Variants in TMEM65 observed in about 807,000 individuals in gnomAD.
TMEM65 encodes transmembrane protein 65.
TMEM65 carries 22 observed loss-of-function variants against 25.4 expected under a neutral mutation model. The ratio of observed to expected loss-of-function variants is 0.86; its 90% confidence interval spans 0.62 to 1.23. The LOEUF is 1.23. Among genes scored for constraint, TMEM65 ranks in the 50% most tolerant of loss-of-function variants. TMEM65 has a pLI of 0.00. For synonymous variants in TMEM65, 132 were observed against 126.2 expected (o/e 1.05, Z -0.31); for missense variants, 262 against 308.2 (o/e 0.85, Z 1.12).
chr8:124,321,085 G>A (rs895195290), intron 5 of TMEM65, among the ~76,000 whole-genome samples: 1 of 152,102 alleles, frequency 6.6e-6, no homozygotes, highest in Non-Finnish European at 1.5e-5. Context: ...ACTGGGAATA[G>A]AATGTTTAAG....
chr8:124,339,130 G>A (rs922178099), intron 1 of TMEM65, among the ~76,000 whole-genome samples: 2 of 140,422 alleles, frequency 1.4e-5, no homozygotes, highest in Non-Finnish European at 1.5e-5. Flanking sequence ...CAGAGCTTGC[G>A]GCAGTGAGCC....
chr8:124,348,004 C>T (rs560963117), intron 1 of TMEM65, among the ~76,000 whole-genome samples: 19 of 151,976 alleles, frequency 1.3e-4, no homozygotes, highest in African/African-American at 4.3e-4. Flanking sequence ...GATTCTCCTG[C>T]CTCGGTGTCC....
At position 124,356,454 on chromosome 8, in the gene TMEM65, C is replaced by T. The variant is rs929587312; in HGVS notation, c.304+15400G>A. On this transcript the variant is annotated intron_variant, in intron 1 of 6. Transcript: ENST00000297632. ...TTCTGACTTATGAGTAAAGAGATGACCTCAGATAAAATCAAGCTATTGCCC... is the reference window on the plus strand; with the variant it reads ...TTCTGACTTATGAGTAAAGAGATGATCTCAGATAAAATCAAGCTATTGCCC... Among the ~76,000 whole-genome samples, 12 of 152,252 alleles carry T rather than the reference C, an allele frequency of 7.9e-5. No homozygotes were observed. The East Asian group carries it at 2.1e-3, about 27-fold the overall frequency.
chr8:124,334,857 T>A (rs1046161385), intron 1 of TMEM65, among the ~76,000 whole-genome samples: 2 of 149,214 alleles, frequency 1.3e-5, no homozygotes, highest in African/African-American at 4.9e-5. Context: ...GAAGAGTTAG[T>A]GAAAATGATG....
intron 1 of TMEM65, among the ~76,000 whole-genome samples, chr8:124,351,923 C>A (rs1368654435): frequency 2.0e-5 from 3 of 152,162 alleles, no homozygotes; most frequent in African/African-American, 7.2e-5. Context: ...TTCTTGGCTG[C>A]GCTTTTATCT....
chr8:124,360,286 C>T (rs776738803), intron 1 of TMEM65, among the ~76,000 whole-genome samples: 17 of 151,832 alleles, frequency 1.1e-4, no homozygotes, highest in Non-Finnish European at 2.9e-5. Flanking sequence ...AAAAATTAGC[C>T]GGGCATGGTG....
intron 2 of TMEM65, among the ~76,000 whole-genome samples, chr8:124,329,986 A>T (rs561412394): frequency 1.3e-5 from 2 of 151,918 alleles, no homozygotes; most frequent in African/African-American, 4.8e-5. Flanking sequence ...CAGAGAAAAA[A>T]TAACTGGCCA....
intron 1 of TMEM65, among the ~76,000 whole-genome samples, chr8:124,333,566 A>C (rs1318606009): frequency 6.6e-6 from 1 of 151,902 alleles, no homozygotes. Context: ...GATAACTATT[A>C]AGCTTGTACT....
chr8:124,365,824 T>C (rs1814931204), intron 1 of TMEM65, among the ~76,000 whole-genome samples: 1 of 152,202 alleles, frequency 6.6e-6, no homozygotes, highest in South Asian at 2.1e-4. Flanking sequence ...GCTGACACTT[T>C]GATTTTAGTC....
rs1197600904 is a variant in TMEM65, at chr8:124,313,814, C to T, written c.*146G>A. 6.6e-6 allele frequency: 4 copies of T among 607,270 alleles called. No individual in the cohort carries two copies. Among genetic ancestry groups the T allele is most frequent in the Non-Finnish European group, 1.1e-5 (4 of 348,690 alleles). 37.6% of individuals were successfully genotyped at this position (607,270 alleles called of 1,614,324 possible). ...AAGATGTCCTAAGAAGATCAAGCCACAATAAGTTAGTGTTTTCCATAATAC... is the reference window on the plus strand; with the variant it reads ...AAGATGTCCTAAGAAGATCAAGCCATAATAAGTTAGTGTTTTCCATAATAC... On this transcript the variant is annotated 3_prime_UTR_variant, in exon 7 of 7. Transcript: ENST00000297632.
At chr8:124,334,886 T>C (rs1286627237) in intron 1 of TMEM65, among the ~76,000 whole-genome samples, 2 of 151,718 alleles carry the variant, frequency 1.3e-5, no homozygotes, top group Admixed American at 6.6e-5. Flanking sequence ...ATAAAAATTA[T>C]TCAGTCTGAA....
rs1361857213 is a variant in TMEM65, at chr8:124,306,697, C to G, written c.*7263G>C. ...GGCGCAGTGGCTCACGCCTGTAATC[C>G]CAACACTTCAGGAGGCCGAGGCAGG... is the stretch of plus-strand genomic sequence containing the variant. On this transcript the variant is annotated 3_prime_UTR_variant, in exon 7 of 7. Transcript: ENST00000297632. 1 of 152,084 alleles carries G rather than the reference C, an allele frequency of 6.6e-6. No homozygotes were observed. The highest frequency in any genetic ancestry group is 2.4e-5 in the African/African-American group (1 of 41,370). The allele number at this position is 152,084 out of a possible 1,614,324, so 9.4% of individuals were successfully genotyped here.
intron 2 of TMEM65, among the ~76,000 whole-genome samples, chr8:124,328,531 ATTTCATT>A (rs1419990164): frequency 6.6e-6 from 1 of 152,190 alleles, no homozygotes; most frequent in Non-Finnish European, 1.5e-5. Flanking sequence ...AAAAAATATT[ATTTCATT>A]AAGTTGAAGA....
rs1586453601 is a variant in TMEM65, at chr8:124,313,800, A to G, written c.*160T>C. The G allele has an allele frequency of 1.7e-6, 1 of 590,560 alleles. No homozygotes were observed. The highest frequency in any genetic ancestry group is 3.0e-6 in the Non-Finnish European group (1 of 335,372). 36.6% of individuals were successfully genotyped at this position (590,560 alleles called of 1,614,324 possible). On this transcript the variant is annotated 3_prime_UTR_variant, in exon 7 of 7. Transcript: ENST00000297632. ...ACAGCTTTTTAAAAAAGATGTCCTA[A>G]GAAGATCAAGCCACAATAAGTTAGT...
intron 1 of TMEM65, among the ~76,000 whole-genome samples, chr8:124,356,140 T>A (rs1218633463): frequency 1.3e-5 from 2 of 152,322 alleles, no homozygotes; most frequent in East Asian, 3.9e-4. Flanking sequence ...AACCTTTTTT[T>A]AATAAATTAC....
intron 1 of TMEM65, among the ~76,000 whole-genome samples, chr8:124,332,837 T>G (rs1814448620): frequency 6.6e-6 from 1 of 152,042 alleles, no homozygotes; most frequent in Non-Finnish European, 1.5e-5. Context: ...GGAGTCTCAC[T>G]CTGTCTCTCC....
intron 2 of TMEM65, among the ~76,000 whole-genome samples, chr8:124,327,702 A>C (rs1455405046): frequency 6.6e-6 from 1 of 151,522 alleles, no homozygotes; most frequent in Non-Finnish European, 1.5e-5. Context: ...ACACACACAC[A>C]CACAAATATA....
In TMEM65 at chr8:124,372,602, C is replaced by A; in HGVS notation, c.-445G>T. 6.3e-6 allele frequency: 1 copy of A among 157,574 alleles called. No homozygotes were observed. The highest frequency in any genetic ancestry group is 1.4e-5 in the Non-Finnish European group (1 of 71,120). 9.8% of individuals were successfully genotyped at this position (157,574 alleles called of 1,614,324 possible). On this transcript the variant is annotated 5_prime_UTR_variant, in exon 1 of 7. Coordinates refer to ENST00000297632, the MANE Select transcript of TMEM65 (RefSeq NM_194291.3). The stretch of plus-strand genomic sequence containing the variant: ...CGCCAGCTTTCTCACCCTCTAGCCT[C>A]CCCACGTCCCCACTCTGTAAGGTTC...
At chr8:124,315,721 G>A (rs546745373) in intron 6 of TMEM65, among the ~76,000 whole-genome samples, 275 of 152,190 alleles carry the variant, frequency 1.8e-3, no homozygotes, top group Non-Finnish European at 3.1e-3. Context: ...GCTTTTGGTG[G>A]TGGTAGTGGT....
Sources: gnomAD v4.1 joint callset for allele counts (sites outside exome capture counted in the v4.1 genomes callset) on GRCh38, gnomAD v4.1.1 for gene constraint, MANE v1.5 for transcripts, NCBI Gene and HGNC (gene_info 2026-07-23, HGNC 2026-07-21) for gene names.